Variants in SVOPL observed in about 807,000 individuals in gnomAD.
SVOPL encodes the protein putative transporter SVOPL.
A neutral mutation model predicts 61.0 loss-of-function variants in SVOPL; 60 were observed. That is an observed-to-expected ratio of 0.98 (90% CI 0.80 to 1.22). The LOEUF (loss-of-function observed/expected upper bound fraction) is 1.22, where lower values mean the gene tolerates loss of function less well. SVOPL is among the 50% of genes most tolerant of loss of function. The probability of loss-of-function intolerance (pLI) is 0.00; values close to 1 mark genes in which losing one functional copy is unlikely to be tolerated. For synonymous variants in SVOPL, 279 were observed against 250.0 expected, an observed-to-expected ratio of 1.12 and a Z score of -1.09; for missense variants, 662 against 643.9, an observed-to-expected ratio of 1.03 and a Z score of -0.30.
chr7:138,699,682 A>C (rs1015804370), intron 1 of SVOPL, among the ~76,000 whole-genome samples: 11 of 152,210 alleles, frequency 7.2e-5, no homozygotes, highest in African/African-American at 2.2e-4. Context: ...GAGGAAGAAG[A>C]AGCTTTCAAA....
At chr7:138,695,081 G>T (rs1803036956) in intron 1 of SVOPL, among the ~76,000 whole-genome samples, 1 of 152,172 alleles carries the variant, frequency 6.6e-6, no homozygotes, top group African/African-American at 2.4e-5. Flanking sequence ...TAGATGGAAT[G>T]ATTTCAGCAA....
At chr7:138,650,578 G>C (rs1255157788) in intron 7 of SVOPL, among the ~76,000 whole-genome samples, 2 of 149,614 alleles carry the variant, frequency 1.3e-5, no homozygotes, top group Non-Finnish European at 3.0e-5. Context: ...GGAAGGCTGA[G>C]GTAGGGGAAT....
Position 138,648,923 on chromosome 7 carries a change from A to G in SVOPL, c.660+89T>C, listed in dbSNP as rs538335860. ...GACAACAAAGAGAGACTCTGTCTCG[A>G]GGGGGAAAATAAAAGATATTTGTGG... On this transcript the variant is annotated intron_variant, in intron 8 of 15. Transcript: ENST00000674285. 296 of 1,576,656 alleles carry G rather than the reference A, an allele frequency of 1.9e-4. No homozygotes were observed. The African/African-American group carries it at 3.6e-3, about 19-fold the overall frequency.
chr7:138,678,852 G>T, intron 2 of SVOPL, 112 bp downstream of exon 2: 1 of 1,112,282 alleles, frequency 9.0e-7, no homozygotes, highest in African/African-American at 1.6e-5. Flanking sequence ...TTACAGGTGT[G>T]AGCCACCATG....
rs189965998 is a variant in SVOPL at position 138,649,528 on chromosome 7, C to T, written c.535-391G>A. On this transcript the variant is annotated intron_variant, in intron 7 of 15. Transcript: ENST00000674285. ...GCCAGGCTGGTCTCGAACTCCTGAC[C>T]TCAAATGATCCACCCACGTTAGCCT... is the stretch of plus-strand genomic sequence containing the variant. Among the ~76,000 whole-genome samples, 401 of 152,206 alleles carry T rather than the reference C, an allele frequency of 2.6e-3. 3 individuals carry two copies. Among genetic ancestry groups the T allele is most frequent in the African/African-American group, 9.2e-3 (383 of 41,556 alleles).
At chr7:138,669,274 G>T (rs1224823454) in intron 4 of SVOPL, among the ~76,000 whole-genome samples, 2 of 152,092 alleles carry the variant, frequency 1.3e-5, no homozygotes, top group African/African-American at 4.8e-5. Flanking sequence ...AATTAGCCAG[G>T]TGTGGTGACC....
At chr7:138,656,840 C>G (rs546777579) in intron 6 of SVOPL, among the ~76,000 whole-genome samples, 22 of 152,068 alleles carry the variant, frequency 1.4e-4, no homozygotes, top group Non-Finnish European at 2.8e-4. Context: ...GTCAGGAGTT[C>G]GAGACCAGCC....
intron 3 of SVOPL, among the ~76,000 whole-genome samples, chr7:138,676,899 C>CTTTTTT (rs1191279496): frequency 4.4e-5 from 5 of 112,802 alleles, no homozygotes; most frequent in East Asian, 2.6e-4. Flanking sequence ...CTTGGGGTTC[C>CTTTTTT]TTTTTTTTTT....
At chr7:138,597,641 C>CGTGTATGTGT (rs71520006) in intron 14 of SVOPL, among the ~76,000 whole-genome samples, 2 of 147,518 alleles carry the variant, frequency 1.4e-5, no homozygotes, top group East Asian at 4.0e-4. Context: ...ATAACGTCTG[C>CGTGTATGTGT]GTGTGTGTGT....
At chr7:138,669,858 G>C (rs1003636204) in intron 4 of SVOPL, among the ~76,000 whole-genome samples, 1 of 152,066 alleles carries the variant, frequency 6.6e-6, no homozygotes, top group South Asian at 2.1e-4. Flanking sequence ...TCTGTCAGTT[G>C]ATTTTTTTAG....
Position 138,682,968 on chromosome 7 carries a change from C to CAAAAAAAAAAA in SVOPL, c.-34-3900_-34-3890dup, listed in dbSNP as rs762982090. On this transcript the variant is annotated intron_variant, in intron 1 of 15. Transcript: ENST00000674285. ...GGGCGACAAGAGCAAAACTCCATCT[C>CAAAAAAAAAAA]AAAAAAAAAAAAAAGAAAAAAAAAA... Among the ~76,000 whole-genome samples the CAAAAAAAAAAA allele has an allele frequency of 1.3e-4, 12 of 95,402 alleles. 1 individual carries two copies. Among genetic ancestry groups the CAAAAAAAAAAA allele is most frequent in the African/African-American group, 3.7e-4 (10 of 27,096 alleles). The allele number at this position is 95,402 out of a possible 152,430, so 62.6% of individuals were successfully genotyped here.
intron 4 of SVOPL, among the ~76,000 whole-genome samples, chr7:138,670,526 C>T (rs987091805): frequency 6.6e-6 from 1 of 152,106 alleles, no homozygotes; most frequent in Admixed American, 6.6e-5. Flanking sequence ...GACCCATAAG[C>T]AGACTCAGCA....
At chr7:138,655,391 G>C (rs1291390024) in intron 7 of SVOPL, among the ~76,000 whole-genome samples, 1 of 152,078 alleles carries the variant, frequency 6.6e-6, no homozygotes, top group Non-Finnish European at 1.5e-5. Flanking sequence ...TGTAATTCCA[G>C]CTACTTGGGA....
At chr7:138,629,129 G>GTGTGTATGTATA (rs1800040345) in intron 10 of SVOPL, among the ~76,000 whole-genome samples, 6 of 56,588 alleles carry the variant, frequency 1.1e-4, no homozygotes, top group African/African-American at 2.5e-4. Flanking sequence ...TTTTATATAT[G>GTGTGTATGTATA]TGTGTGTGTG....
At chr7:138,644,292 A>G (rs1800983768) in intron 9 of SVOPL, among the ~76,000 whole-genome samples, 1 of 151,450 alleles carries the variant, frequency 6.6e-6, no homozygotes, top group Admixed American at 6.6e-5. Context: ...AGGTCAAACT[A>G]CTCTAGAGCC....
intron 9 of SVOPL, among the ~76,000 whole-genome samples, chr7:138,632,655 C>A (rs1347428763): frequency 5.5e-5 from 8 of 145,394 alleles, no homozygotes; most frequent in African/African-American, 2.1e-4. Context: ...GGAGGCCAGA[C>A]AGGGGAGCCA....
In SVOPL at chr7:138,621,938, CTATCTA is replaced by C. The variant is rs1799609527; in HGVS notation, c.1264-809_1264-804del. 2.4e-4 allele frequency among the ~76,000 whole-genome samples: 14 copies of C among 57,336 alleles called. 1 individual carries two copies. Among genetic ancestry groups the C allele is most frequent in the African/African-American group, 9.9e-4 (14 of 14,178 alleles). The allele number at this position is 57,336 out of a possible 152,430, so 37.6% of individuals were successfully genotyped here. A position where few individuals can be genotyped will look rare whatever the true frequency, so the allele number is the denominator to read the frequency against. On this transcript the variant is annotated intron_variant, in intron 13 of 15. Transcript: ENST00000674285. ...TCTATGTATCTATCTATGTATCTAT[CTATCTA>C]TGTATCTATCTATCTATGTATCTAT...
At chr7:138,607,794 A>ATTATCCC (rs1798821303) in intron 14 of SVOPL, among the ~76,000 whole-genome samples, 2 of 152,252 alleles carry the variant, frequency 1.3e-5, no homozygotes, top group African/African-American at 4.8e-5. Context: ...TTAAATGCTG[A>ATTATCCC]TTGGAAGCAT....
At chr7:138,596,695 G>A in intron 14 of SVOPL, 165 bp from the exon 15 acceptor site, 4 of 1,351,054 alleles carry the variant, frequency 3.0e-6, no homozygotes, top group Non-Finnish European at 3.8e-6. Flanking sequence ...CCAATCTGGT[G>A]TAGTCATTTT....
Sources: allele counts gnomAD v4.1 joint callset (sites outside exome capture counted in the v4.1 genomes callset), GRCh38; gene constraint gnomAD v4.1.1; transcripts MANE v1.5; gene names NCBI Gene and HGNC (gene_info 2026-07-23, HGNC 2026-07-21).